Variants in IGF2R observed in about 807,000 individuals in gnomAD.
IGF2R encodes cation-independent mannose-6-phosphate receptor.
Under a neutral mutation model 270.6 loss-of-function variants are expected in IGF2R, and 91 were observed. The observed-to-expected ratio is 0.34, with a 90% CI of 0.28 to 0.40. The LOEUF (loss-of-function observed/expected upper bound fraction) is 0.40, where lower values mean the gene tolerates loss of function less well. IGF2R is among the 10% of genes least tolerant of loss of function. IGF2R has a pLI of 1.00. For synonymous variants in IGF2R, 1,316 were observed against 1,258.9 expected (o/e 1.05, Z -0.96); for missense variants, 2,805 against 3,188.3 (o/e 0.88, Z 2.90).
rs1213158552 is a variant in IGF2R, at chr6:159,998,163, G to T, written c.289+6840G>T. Among the ~76,000 whole-genome samples, 1 of 152,184 alleles carries T rather than the reference G, an allele frequency of 6.6e-6. No individual in the cohort carries two copies. Among genetic ancestry groups the T allele is most frequent in the Non-Finnish European group, 1.5e-5 (1 of 68,034 alleles). Reference sequence around the variant, plus strand: ...GAGAAAGGCCACAAGTAATTCTGTTGGCCAGTGTTATGTAGGTGTTCAGAA... The same window carrying T: ...GAGAAAGGCCACAAGTAATTCTGTTTGCCAGTGTTATGTAGGTGTTCAGAA... On this transcript the variant is annotated intron_variant, in intron 2 of 47. Transcript: ENST00000356956. The surrounding 1 kb of genome is among the most constrained non-coding windows in gnomAD (Gnocchi z 4.1).
At chr6:159,980,224 A>AAGAAAGGAAGAAAGGAAGAAAGGAAGG (rs1351035824) in intron 1 of IGF2R, among the ~76,000 whole-genome samples, 1 of 108,604 alleles carries the variant, frequency 9.2e-6, no homozygotes, top group African/African-American at 3.7e-5. Context: ...AGAAAGAAAG[A>AAGAAAGGAAGAAAGGAAGAAAGGAAGG]AAGAAAGAAA....
rs1357804507 is a variant in IGF2R, at chr6:160,111,213, A to T, written c.*6129A>T. 4.0e-5 allele frequency: 6 copies of T among 151,394 alleles called. No individual in the cohort carries two copies. The highest frequency in any genetic ancestry group is 3.9e-4 in the Admixed American group (6 of 15,208). The allele number at this position is 151,394 out of a possible 1,614,324, so 9.4% of individuals were successfully genotyped here. On this transcript the variant is annotated 3_prime_UTR_variant, in exon 48 of 48. Transcript: ENST00000356956. ...TGACCCTTGAACAATACAGGTTTGA[A>T]CTCTGTGGGTCCACTTACATGCGGT...
At chr6:160,031,838 G>A (rs1442447088) in intron 7 of IGF2R, among the ~76,000 whole-genome samples, 1 of 152,232 alleles carries the variant, frequency 6.6e-6, no homozygotes, top group Non-Finnish European at 1.5e-5. Context: ...GCTAAGCCCA[G>A]TAAGTCGTGT....
At chr6:160,038,884 A>G (rs1439037582) in intron 10 of IGF2R, among the ~76,000 whole-genome samples, 1 of 152,196 alleles carries the variant, frequency 6.6e-6, no homozygotes, top group African/African-American at 2.4e-5. Flanking sequence ...GAGTGGGGCA[A>G]TCTTGCCTTG....
At position 160,010,792 on chromosome 6, in the gene IGF2R, T is replaced by C. The variant is rs751788737; in HGVS notation, c.513+7T>C. ...ATTTAAAGCAAATAAGGAGGTAACA[T>C]GGGAACTTCAAATTACATGCTTATG... On this transcript the variant is annotated splice_region_variant and intron_variant, in intron 4 of 47. Coordinates refer to ENST00000356956, the MANE Select transcript of IGF2R (RefSeq NM_000876.4). The C allele has an allele frequency of 2.0e-6, 3 of 1,520,318 alleles. No homozygotes were observed. Among genetic ancestry groups the C allele is most frequent in the African/African-American group, 1.4e-5 (1 of 73,052 alleles). The allele number at this position is 1,520,318 out of a possible 1,614,324, so 94.2% of individuals were successfully genotyped here.
At chr6:159,982,580 T>A (rs1783822690) in intron 1 of IGF2R, among the ~76,000 whole-genome samples, 1 of 152,250 alleles carries the variant, frequency 6.6e-6, no homozygotes, top group South Asian at 2.1e-4. Context: ...GAAACCAAAT[T>A]ACAGATTCAC....
intron 1 of IGF2R, 96 bp downstream of exon 1, chr6:159,969,491 C>T: frequency 1.1e-6 from 1 of 941,324 alleles, no homozygotes; most frequent in East Asian, 4.7e-5. Flanking sequence ...CCTGGGGTCT[C>T]CAAGTCGCCT....
chr6:160,047,251 A>G lies in IGF2R; in HGVS notation c.2144A>G (p.Tyr715Cys), dbSNP rs1391803908. The change falls in exon 16 of 48, where the codon TAT becomes TGT. Residue 715 changes from tyrosine to cysteine, a missense_variant. Tyr to Cys is a radical substitution (Grantham distance 194, BLOSUM62 -2). Around this residue, in one of 2 missense-constraint regions of IGF2R, gnomAD observed 954 missense variants for 981.1 expected, o/e 0.97. Coordinates refer to ENST00000356956, the MANE Select transcript of IGF2R (RefSeq NM_000876.4). The stretch of plus-strand genomic sequence containing the variant: ...CTGAACTACAGAGGCGGCACACCCT[A>G]TAACAATGAAAGACACACACCGAGA... ...IQLNYRGGTP[Y>C]NNERHTPRAT... The G allele has an allele frequency of 2.5e-6, 4 of 1,613,516 alleles. No homozygotes were observed. Among genetic ancestry groups the G allele is most frequent in the East Asian group, 2.2e-5 (1 of 44,864 alleles).
chr6:160,009,264 C>A, intron 3 of IGF2R, 130 bp downstream of exon 3: 2 of 703,804 alleles, frequency 2.8e-6, no homozygotes, highest in South Asian at 2.3e-5. Flanking sequence ...AAAAACCCTA[C>A]CAAATGACCA....
intron 4 of IGF2R, among the ~76,000 whole-genome samples, chr6:160,022,489 G>T (rs1777462014): frequency 6.6e-6 from 1 of 152,162 alleles, no homozygotes; most frequent in Admixed American, 6.5e-5. Context: ...AAGACCATTA[G>T]TTCATAGGTA....
At chr6:160,086,652 C>T (rs1308840497) in intron 41 of IGF2R, among the ~76,000 whole-genome samples, 2 of 152,160 alleles carry the variant, frequency 1.3e-5, no homozygotes, top group Admixed American at 1.3e-4. Context: ...TTCCGTAAAA[C>T]AGTGGAATTC....
In IGF2R at chr6:160,091,095, G is replaced by A. The variant is rs1264166171; in HGVS notation, c.6655+992G>A. On this transcript the variant is annotated intron_variant, in intron 44 of 47. Transcript: ENST00000356956. ...GCGGCTGAGAAGGAGCGGGTGCTCC[G>A]TGCCCTGGTGCTGAGCACATCGCCG... Among the ~76,000 whole-genome samples, 15 of 138,532 alleles carry A rather than the reference G, an allele frequency of 1.1e-4. 2 individuals carry two copies. Among genetic ancestry groups the A allele is most frequent in the East Asian group, 2.3e-4 (1 of 4,388 alleles). 90.9% of individuals were successfully genotyped at this position (138,532 alleles called of 152,430 possible). A position where few individuals can be genotyped will look rare whatever the true frequency, so the allele number is the denominator to read the frequency against.
At chr6:159,996,803 C>G (rs1784060703) in intron 2 of IGF2R, among the ~76,000 whole-genome samples, 2 of 152,220 alleles carry the variant, frequency 1.3e-5, no homozygotes. Context: ...TGTAGCTCTC[C>G]TGCTCTTTGC....
rs957988977 is a variant in IGF2R at position 160,004,806 on chromosome 6, C to G, written c.290-4204C>G. The G allele has an allele frequency of 1.3e-5, 2 of 152,466 alleles. No individual in the cohort carries two copies. The highest frequency in any genetic ancestry group is 4.8e-5 in the African/African-American group (2 of 41,400). The allele number at this position is 152,466 out of a possible 1,614,324, so 9.4% of individuals were successfully genotyped here. A position where few individuals can be genotyped will look rare whatever the true frequency, so the allele number is the denominator to read the frequency against. On this transcript the variant is annotated intron_variant, in intron 2 of 47. Transcript: ENST00000356956. The surrounding 1 kb of genome is among the most constrained non-coding windows in gnomAD (Gnocchi z 5.2). ...CACCAAACCAAAGTGGACCCGCCTG[C>G]CTGTGCACCAGGGAAAGCCAAACAC...
At position 160,106,742 on chromosome 6, in the gene IGF2R, A is replaced by G. The variant is rs1405793294; in HGVS notation, c.*1658A>G. 5 of 152,062 alleles carry G rather than the reference A, an allele frequency of 3.3e-5. No homozygotes were observed. The highest frequency in any genetic ancestry group is 6.6e-5 in the Admixed American group (1 of 15,266). The allele number at this position is 152,062 out of a possible 1,614,324, so 9.4% of individuals were successfully genotyped here. The stretch of plus-strand genomic sequence containing the variant: ...GTCGTAGGTGTTAACTTTGGGTCCA[A>G]TCTGCCTTCCCTTGGCTCTTTCTAG... On this transcript the variant is annotated 3_prime_UTR_variant, in exon 48 of 48. Coordinates refer to ENST00000356956, the MANE Select transcript of IGF2R (RefSeq NM_000876.4).
Position 160,061,768 on chromosome 6 carries a change from C to G in IGF2R, c.3422C>G (p.Ser1141Cys). The G allele has an allele frequency of 6.2e-7, 1 of 1,614,154 alleles. No homozygotes were observed. Among genetic ancestry groups the G allele is most frequent in the Non-Finnish European group, 8.5e-7 (1 of 1,180,028 alleles). Residue 1141 changes from serine to cysteine, a missense_variant, in exon 25 of 48, where the codon TCT becomes TGT. Transcript: ENST00000356956. ...GTTCTTCCAGGCAGCGCAGTGGGGT[C>G]TTGCTTAGTGTCAGAAGGCAATAGC... ...IPGCQGSAVGSCLVSEGNSWN... is the reference protein window; with the variant it reads ...IPGCQGSAVGCCLVSEGNSWN...
chr6:160,079,907 G>A, intron 38 of IGF2R, 120 bp downstream of exon 38: 2 of 1,034,058 alleles, frequency 1.9e-6, no homozygotes, highest in Non-Finnish European at 2.8e-6. Context: ...GTAACCTTGG[G>A]CGTGAATGTG....
intron 1 of IGF2R, among the ~76,000 whole-genome samples, chr6:159,985,302 C>G (rs1783864470): frequency 6.6e-6 from 1 of 152,190 alleles, no homozygotes. Flanking sequence ...AAGCCGTTTA[C>G]CTAATTGGTT....
In IGF2R at chr6:160,024,530, A is replaced by C. The variant is rs200560469; in HGVS notation, c.514-42A>C. 2.9e-4 allele frequency: 467 copies of C among 1,603,368 alleles called. 1 individual carries two copies. Among genetic ancestry groups the C allele is most frequent in the Non-Finnish European group, 3.3e-4 (384 of 1,171,652 alleles). On this transcript the variant is annotated intron_variant, in intron 4 of 47. Coordinates refer to ENST00000356956, the MANE Select transcript of IGF2R (RefSeq NM_000876.4). ...GGTCATAAGCTTTTCTGATTGACCA[A>C]GATGTATACTGAAGACTCACTTTTT... is the stretch of plus-strand genomic sequence containing the variant.
Sources: allele counts gnomAD v4.1 joint callset (sites outside exome capture counted in the v4.1 genomes callset), GRCh38; gene constraint gnomAD v4.1.1; regional missense constraint gnomAD v4.1.1; non-coding constraint Gnocchi (gnomAD v3.1); transcripts MANE v1.5; gene names NCBI Gene and HGNC (gene_info 2026-07-23, HGNC 2026-07-21).